Variants in MACROH2A2 observed in about 807,000 individuals in gnomAD.
MACROH2A2 encodes macroH2A.2 histone.
A neutral mutation model predicts 37.6 loss-of-function variants in MACROH2A2; 6 were observed. The observed-to-expected ratio is 0.16, with a 90% CI of 0.09 to 0.32. MACROH2A2 has a LOEUF of 0.32. Among genes scored for constraint, MACROH2A2 ranks in the 10% least tolerant of loss-of-function variants. The pLI, the probability that MACROH2A2 is intolerant of heterozygous loss-of-function variation, is 1.00. For synonymous variants in MACROH2A2, 192 were observed against 202.7 expected (o/e 0.95, Z 0.45); for missense variants, 290 against 485.9 (o/e 0.60, Z 3.79).
intron 2 of MACROH2A2, among the ~76,000 whole-genome samples, chr10:70,079,565 G>GCGCGCACACACACA (rs1386558755): frequency 1.6e-5 from 2 of 126,264 alleles, no homozygotes; most frequent in South Asian, 2.7e-4. Flanking sequence ...GCGCGCGCGC[G>GCGCGCACACACACA]CACACACACA....
intron 2 of MACROH2A2, among the ~76,000 whole-genome samples, chr10:70,080,480 A>G (rs930270673): frequency 5.3e-5 from 8 of 152,076 alleles, no homozygotes; most frequent in African/African-American, 1.9e-4. Flanking sequence ...TCATGCCTGT[A>G]ATCCGAACAC....
intron 3 of MACROH2A2, 86 bp downstream of exon 3, chr10:70,090,252 GCTA>G: frequency 1.2e-6 from 1 of 818,160 alleles, no homozygotes; most frequent in Non-Finnish European, 2.1e-6. Context: ...AGTCACTCCT[GCTA>G]CAGTTCCCAA....
At chr10:70,077,327 G>T (rs1400574839) in intron 2 of MACROH2A2, among the ~76,000 whole-genome samples, 1 of 152,182 alleles carries the variant, frequency 6.6e-6, no homozygotes, top group Non-Finnish European at 1.5e-5. Context: ...CAGCACTTTG[G>T]GAAGCTGAGG....
chr10:70,063,844 A>T (rs1035739386), intron 1 of MACROH2A2, among the ~76,000 whole-genome samples: 5 of 152,266 alleles, frequency 3.3e-5, no homozygotes, highest in African/African-American at 1.2e-4. Context: ...GAAGACTGAA[A>T]GTACATAAGA....
intron 7 of MACROH2A2, among the ~76,000 whole-genome samples, chr10:70,103,962 A>G (rs1347991249): frequency 6.6e-6 from 1 of 152,244 alleles, no homozygotes; most frequent in African/African-American, 2.4e-5. Context: ...CTAGCTGGAA[A>G]GAATACAAAA....
At chr10:70,072,205 CT>C (rs572905067) in intron 1 of MACROH2A2, among the ~76,000 whole-genome samples, 7 of 151,890 alleles carry the variant, frequency 4.6e-5, no homozygotes, top group Admixed American at 2.0e-4. Flanking sequence ...AAGCATTTTT[CT>C]TTTTTTATTT....
chr10:70,096,740 A>T (rs953325849), intron 6 of MACROH2A2, among the ~76,000 whole-genome samples: 6 of 152,150 alleles, frequency 3.9e-5, no homozygotes, highest in African/African-American at 1.4e-4. Flanking sequence ...GAGGGAGGCA[A>T]TTTGAGGTAG....
At chr10:70,090,487 A>G (rs186978886) in intron 3 of MACROH2A2, among the ~76,000 whole-genome samples, 52 of 152,306 alleles carry the variant, frequency 3.4e-4, no homozygotes, top group Admixed American at 2.0e-3. Flanking sequence ...CTTAGTTGAC[A>G]GTTTTTTCTG....
At chr10:70,064,486 C>A (rs117598890) in intron 1 of MACROH2A2, among the ~76,000 whole-genome samples, 1 of 152,104 alleles carries the variant, frequency 6.6e-6, no homozygotes, top group Non-Finnish European at 1.5e-5. Context: ...TAACTGGACA[C>A]CCTAAAGCCA....
intron 7 of MACROH2A2, among the ~76,000 whole-genome samples, chr10:70,103,097 T>C (rs1300613051): frequency 6.6e-6 from 1 of 152,200 alleles, no homozygotes; most frequent in Non-Finnish European, 1.5e-5. Context: ...CACCCAGGGC[T>C]ACAACTTCTA....
At chr10:70,056,304 T>C (rs2072016246) in intron 1 of MACROH2A2, among the ~76,000 whole-genome samples, 1 of 152,154 alleles carries the variant, frequency 6.6e-6, no homozygotes, top group African/African-American at 2.4e-5. Flanking sequence ...CTGGAGTGCA[T>C]TGGCACAATC....
At chr10:70,059,433 C>A (rs568346004) in intron 1 of MACROH2A2, among the ~76,000 whole-genome samples, 1 of 150,870 alleles carries the variant, frequency 6.6e-6, no homozygotes, top group Non-Finnish European at 1.5e-5. Flanking sequence ...AGTGCAGTGG[C>A]GTGGTCTTGG....
At chr10:70,068,525 C>T (rs1217709339) in intron 1 of MACROH2A2, among the ~76,000 whole-genome samples, 2 of 152,100 alleles carry the variant, frequency 1.3e-5, no homozygotes, top group Non-Finnish European at 2.9e-5. Context: ...GCACAGGTAC[C>T]CAGACCTTGG....
chr10:70,060,576 G>A (rs2072044687), intron 1 of MACROH2A2, among the ~76,000 whole-genome samples: 1 of 152,082 alleles, frequency 6.6e-6, no homozygotes, highest in African/African-American at 2.4e-5. Context: ...GCACACCAAG[G>A]CATACAGTCC....
rs183313138 is a variant in MACROH2A2 at position 70,075,453 on chromosome 10, G to A, written c.-59-147G>A. 49 of 560,240 alleles carry A rather than the reference G, an allele frequency of 8.7e-5. No homozygotes were observed. The highest frequency in any genetic ancestry group is 9.7e-4 in the Middle Eastern group (2 of 2,070). 34.7% of individuals were successfully genotyped at this position (560,240 alleles called of 1,614,324 possible). ...CTTCAGAGACCCCATGCCTGACTCC[G>A]TGCCTCCTGCACCTGCAGTAGCAGC... On this transcript the variant is annotated intron_variant, in intron 1 of 8. Coordinates refer to ENST00000373255, the MANE Select transcript of MACROH2A2 (RefSeq NM_018649.3). This position sits in a 1 kb window ranked among gnomAD's most constrained non-coding sequence, Gnocchi z 5.0.
chr10:70,067,608 G>A (rs953390504), intron 1 of MACROH2A2, among the ~76,000 whole-genome samples: 2 of 152,188 alleles, frequency 1.3e-5, no homozygotes, highest in Admixed American at 6.5e-5. Context: ...AAATGTGAAT[G>A]ATTTTATTGT....
intron 1 of MACROH2A2, among the ~76,000 whole-genome samples, chr10:70,059,917 C>A (rs1375404865): frequency 6.6e-6 from 1 of 152,138 alleles, no homozygotes; most frequent in Non-Finnish European, 1.5e-5. Context: ...AGTGGTAGCC[C>A]TTAGCTGAAG....
At chr10:70,062,203 C>A (rs561798806) in intron 1 of MACROH2A2, among the ~76,000 whole-genome samples, 3 of 152,054 alleles carry the variant, frequency 2.0e-5, no homozygotes, top group African/African-American at 7.2e-5. Context: ...TATTGAATCC[C>A]CTCATTTCCT....
At chr10:70,084,832 G>A (rs543676152) in intron 2 of MACROH2A2, among the ~76,000 whole-genome samples, 2 of 152,222 alleles carry the variant, frequency 1.3e-5, no homozygotes, top group East Asian at 1.9e-4. Context: ...GAATTCCTGA[G>A]CTCAAGTGCT....
Sources: allele counts gnomAD v4.1 joint callset (sites outside exome capture counted in the v4.1 genomes callset), GRCh38; gene constraint gnomAD v4.1.1; non-coding constraint Gnocchi (gnomAD v3.1); transcripts MANE v1.5; gene names NCBI Gene and HGNC (gene_info 2026-07-23, HGNC 2026-07-21).